The following IGF1R variants were observed in gnomAD, a reference collection of about 807,000 sequenced individuals.
IGF1R encodes the protein insulin-like growth factor 1 receptor.
IGF1R carries 44 observed loss-of-function variants against 144.6 expected under a neutral mutation model. The observed-to-expected ratio is 0.30, with a 90% CI of 0.24 to 0.39. The LOEUF is 0.39. Among genes scored for constraint, IGF1R ranks in the 10% least tolerant of loss-of-function variants. The pLI is 1.00. For synonymous variants in IGF1R, 795 were observed against 722.8 expected, an observed-to-expected ratio of 1.10 and a Z score of -1.60; for missense variants, 1,355 against 1,833.7, an observed-to-expected ratio of 0.74 and a Z score of 4.77.
chr15:98,890,261 A>C (rs1431007828), intron 2 of IGF1R: 1 of 152,214 alleles, frequency 6.6e-6, no homozygotes, highest in Admixed American at 6.5e-5. Context: ...TCACAGGATG[A>C]GGTTAAAGGT....
chr15:98,927,556 A>C (rs1021448708), intron 13 of IGF1R, among the ~76,000 whole-genome samples: 1 of 152,236 alleles, frequency 6.6e-6, no homozygotes, highest in African/African-American at 2.4e-5. Context: ...AACACAGTAC[A>C]GCCTGACCAG....
chr15:98,855,361 C>G (rs958630209), intron 2 of IGF1R, among the ~76,000 whole-genome samples: 2 of 152,212 alleles, frequency 1.3e-5, no homozygotes, highest in Non-Finnish European at 1.5e-5. Context: ...ATACCTTTTC[C>G]TTGAGGGAGT....
At chr15:98,929,984 C>A (rs1567206065) in intron 14 of IGF1R, among the ~76,000 whole-genome samples, 1 of 152,118 alleles carries the variant, frequency 6.6e-6, no homozygotes, top group Non-Finnish European at 1.5e-5. Flanking sequence ...AGTAAAGAAA[C>A]AGATGTTTCT....
chr15:98,649,905 G>T (rs919124664), intron 1 of IGF1R, among the ~76,000 whole-genome samples: 2 of 152,160 alleles, frequency 1.3e-5, no homozygotes, highest in Non-Finnish European at 2.9e-5. Flanking sequence ...TCCCCGCGCG[G>T]GAAGGGCTTT....
At chr15:98,873,579 G>A (rs906887759) in intron 2 of IGF1R, 2 of 152,210 alleles carry the variant, frequency 1.3e-5, no homozygotes, top group African/African-American at 2.4e-5. Flanking sequence ...TGAAAATATC[G>A]GATTGGGATG....
rs572141274 is a variant in IGF1R at position 98,961,954 on chromosome 15, G to A, written c.*4512G>A. ...AGTCACTGTGGAACTACCAAATGGC[G>A]AGATGCTCGGTGCACATTGGGGTGC... On this transcript the variant is annotated 3_prime_UTR_variant, in exon 21 of 21. Transcript: ENST00000650285. The A allele has an allele frequency of 1.1e-3, 267 of 233,350 alleles. No homozygotes were observed. The East Asian group carries it at 0.014, about 12-fold the overall frequency. The allele number at this position is 233,350 out of a possible 1,614,324, so 14.5% of individuals were successfully genotyped here.
intron 2 of IGF1R, among the ~76,000 whole-genome samples, chr15:98,841,029 G>T (rs957730592): frequency 5.9e-5 from 9 of 152,052 alleles, no homozygotes; most frequent in African/African-American, 2.2e-4. Flanking sequence ...CCGAAGTGCT[G>T]GAATTACAGG....
At chr15:98,811,482 A>G (rs1202965316) in intron 2 of IGF1R, among the ~76,000 whole-genome samples, 1 of 149,114 alleles carries the variant, frequency 6.7e-6, no homozygotes, top group Non-Finnish European at 1.5e-5. Flanking sequence ...GTGAGCCGAG[A>G]TCACGCCACT....
chr15:98,775,030 A>G (rs2055678241), intron 2 of IGF1R, among the ~76,000 whole-genome samples: 1 of 152,068 alleles, frequency 6.6e-6, no homozygotes, highest in Non-Finnish European at 1.5e-5. Context: ...GCTCCACTGG[A>G]GGTTGTCTGA....
chr15:98,893,949 A>G (rs1596405851), intron 3 of IGF1R, among the ~76,000 whole-genome samples: 3 of 152,222 alleles, frequency 2.0e-5, no homozygotes, highest in Non-Finnish European at 4.4e-5. Context: ...TACCTTCTCT[A>G]TACCATAGTG....
chr15:98,710,668 CT>C (rs34054503), intron 2 of IGF1R, among the ~76,000 whole-genome samples: 217 of 140,056 alleles, frequency 1.5e-3, no homozygotes, highest in South Asian at 5.0e-3. Context: ...CCTTTTTATT[CT>C]TTTTTTTTTT....
chr15:98,768,637 C>T lies in IGF1R; in HGVS notation c.640+60530C>T, dbSNP rs1414698531. Among the ~76,000 whole-genome samples the T allele has an allele frequency of 1.5e-4, 18 of 118,384 alleles. No homozygotes were observed. The East Asian group carries it at 3.2e-3, about 21-fold the overall frequency. The allele number at this position is 118,384 out of a possible 152,430, so 77.7% of individuals were successfully genotyped here. A position where few individuals can be genotyped will look rare whatever the true frequency, so the allele number is the denominator to read the frequency against. On this transcript the variant is annotated intron_variant, in intron 2 of 20. Transcript: ENST00000650285. ...CTCAAAAAAAAAAAAAAAATGCCCA[C>T]AACTGGGCATGGTGGCTCATGCCTG...
At chr15:98,731,960 G>C (rs7183706) in intron 2 of IGF1R, among the ~76,000 whole-genome samples, 133,123 of 152,174 alleles carry the variant, frequency 0.87, 58,871 homozygotes, top group Non-Finnish European at 0.95. Flanking sequence ...ATTCCTCTCA[G>C]AGAGACAGTC....
chr15:98,938,857 G>A (rs569952278), intron 17 of IGF1R, among the ~76,000 whole-genome samples: 3 of 152,228 alleles, frequency 2.0e-5, no homozygotes, highest in Non-Finnish European at 2.9e-5. Context: ...AAACAAATAG[G>A]AATTTGAGTA....
At chr15:98,683,623 T>A (rs1358569170) in intron 1 of IGF1R, among the ~76,000 whole-genome samples, 1 of 152,234 alleles carries the variant, frequency 6.6e-6, no homozygotes, top group African/African-American at 2.4e-5. Flanking sequence ...AGAGATGTTA[T>A]GAATTGCAAT....
At chr15:98,943,139 C>A (rs2016427979) in intron 19 of IGF1R, 87 bp downstream of exon 19, 1 of 1,473,074 alleles carries the variant, frequency 6.8e-7, no homozygotes, top group Non-Finnish European at 9.5e-7. Context: ...TTATCTTTCT[C>A]TGTTCATTGT....
intron 1 of IGF1R, among the ~76,000 whole-genome samples, chr15:98,677,298 C>G (rs1419528344): frequency 1.3e-5 from 2 of 152,148 alleles, no homozygotes; most frequent in Admixed American, 6.5e-5. Context: ...ATTTTCTGTA[C>G]TTATCTTGTA....
chr15:98,958,396 C>G lies in IGF1R; in HGVS notation c.*954C>G, dbSNP rs2017097135. 1 of 219,318 alleles carries G rather than the reference C, an allele frequency of 4.6e-6. No individual in the cohort carries two copies. The highest frequency in any genetic ancestry group is 1.9e-4 in the South Asian group (1 of 5,398). 13.6% of individuals were successfully genotyped at this position (219,318 alleles called of 1,614,324 possible). On this transcript the variant is annotated 3_prime_UTR_variant, in exon 21 of 21. Coordinates refer to ENST00000650285, the MANE Select transcript of IGF1R (RefSeq NM_000875.5). ...GTCAAGGGGCCCCATGCCTGCTTCTCTCCCAGCCCCAGCTCCCCCGCCCGC... is the reference window on the plus strand; with the variant it reads ...GTCAAGGGGCCCCATGCCTGCTTCTGTCCCAGCCCCAGCTCCCCCGCCCGC...
At chr15:98,797,036 C>T (rs2056259640) in intron 2 of IGF1R, among the ~76,000 whole-genome samples, 1 of 152,176 alleles carries the variant, frequency 6.6e-6, no homozygotes, top group Admixed American at 6.5e-5. Context: ...GGGTCCATGC[C>T]CCGCATTTCT....
Sources: allele counts gnomAD v4.1 joint callset (sites outside exome capture counted in the v4.1 genomes callset), GRCh38; gene constraint gnomAD v4.1.1; transcripts MANE v1.5; gene names NCBI Gene and HGNC (gene_info 2026-07-23, HGNC 2026-07-21).